The following ENO4 variants were observed in gnomAD, a reference collection of about 807,000 sequenced individuals.
ENO4 encodes the protein enolase 4, also known as 2-phospho-D-glycerate hydro-lyase.
Under a neutral mutation model 63.2 loss-of-function variants are expected in ENO4, and 53 were observed. That is an observed-to-expected ratio of 0.84 (90% CI 0.67 to 1.05). The LOEUF (loss-of-function observed/expected upper bound fraction) is 1.05, where lower values mean the gene tolerates loss of function less well. Among genes scored for constraint, ENO4 ranks in the 50% least tolerant of loss-of-function variants. The pLI, the probability that ENO4 is intolerant of heterozygous loss-of-function variation, is 0.00. For missense variants in ENO4, 719 were observed against 772.0 expected (o/e 0.93, Z 0.81); for synonymous variants, 266 against 283.8 (o/e 0.94, Z 0.63).
downstream of ENO4, chr10:116,886,363 G>C (rs552881857): frequency 4.5e-5 from 70 of 1,554,408 alleles, no homozygotes; most frequent in Non-Finnish European, 5.7e-5. Flanking sequence ...GGAGCTGTCT[G>C]TCTCTCTCAC....
At chr10:116,900,356 G>T in intron 10 of ENO4, 1 of 604,266 alleles carries the variant, frequency 1.7e-6, no homozygotes, top group Non-Finnish European at 2.9e-6. Context: ...TGCCTTTATG[G>T]CATCTAACAA....
chr10:116,849,929 A>T (rs1202504717), intron 1 of ENO4, 198 bp downstream of exon 1: 1 of 731,888 alleles, frequency 1.4e-6, no homozygotes, highest in African/African-American at 1.7e-5. Flanking sequence ...CTCCCCAGAG[A>T]AAGTGGCAGA....
At chr10:116,908,980 C>G (rs977155708) in intron 10 of ENO4, among the ~76,000 whole-genome samples, 1 of 152,156 alleles carries the variant, frequency 6.6e-6, no homozygotes, top group Non-Finnish European at 1.5e-5. Flanking sequence ...GCATGACTCT[C>G]AACTGAAATG....
At chr10:116,878,820 T>G (rs539424270) in intron 11 of ENO4, among the ~76,000 whole-genome samples, 1 of 145,798 alleles carries the variant, frequency 6.9e-6, no homozygotes, top group African/African-American at 2.5e-5. Context: ...CTCAGCTCAC[T>G]GCAAGCTCTG....
chr10:116,876,778 C>T (rs1170681063), intron 11 of ENO4, among the ~76,000 whole-genome samples: 1 of 151,946 alleles, frequency 6.6e-6, no homozygotes, highest in Non-Finnish European at 1.5e-5. Flanking sequence ...GTGAAACCCC[C>T]ATCTCTAGTA....
rs533834692 is a variant in ENO4, at chr10:116,894,639, C to T, written c.1194+14653C>T. ...TTGAAATGGAACAGGAGTTCCCTTT[C>T]GAAGGGCTTCTCCCTTTTGAAGTAA... On this transcript the variant is annotated intron_variant, in intron 10 of 10. Transcript: ENST00000369207. Among the ~76,000 whole-genome samples, 5 of 152,254 alleles carry T rather than the reference C, an allele frequency of 3.3e-5. No individual in the cohort carries two copies. The East Asian group carries it at 7.7e-4, about 24-fold the overall frequency.
rs530381076 is a variant in ENO4 at position 116,910,494 on chromosome 10, T to C, written c.1195-1005T>C. Among the ~76,000 whole-genome samples the C allele has an allele frequency of 7.2e-5, 11 of 152,332 alleles. No homozygotes were observed. The South Asian group carries it at 2.1e-3, about 29-fold the overall frequency. ...AGAGTAATGCTGTAATTCAGTAAACTTGCTACCATGCAGCATTCTCAGAGA... is the reference window on the plus strand; with the variant it reads ...AGAGTAATGCTGTAATTCAGTAAACCTGCTACCATGCAGCATTCTCAGAGA... On this transcript the variant is annotated intron_variant, in intron 10 of 10. Transcript: ENST00000369207.
chr10:116,910,638 C>T (rs1267006206), intron 10 of ENO4, among the ~76,000 whole-genome samples: 1 of 152,126 alleles, frequency 6.6e-6, no homozygotes, highest in Non-Finnish European at 1.5e-5. Context: ...TCACTGTTGG[C>T]CAGAACTGTG....
At chr10:116,876,549 C>T (rs1445646547) in intron 11 of ENO4, among the ~76,000 whole-genome samples, 1 of 152,254 alleles carries the variant, frequency 6.6e-6, no homozygotes, top group East Asian at 1.9e-4. Context: ...AGCCTTTCTG[C>T]CTGTAACAGG....
chr10:116,880,870 C>T (rs1031650681), intron 13 of ENO4, among the ~76,000 whole-genome samples: 1 of 152,154 alleles, frequency 6.6e-6, no homozygotes. Flanking sequence ...GACGTTACCA[C>T]GAGGGAAACA....
intron 8 of ENO4, among the ~76,000 whole-genome samples, chr10:116,870,189 CCCTTA>C (rs1282215778): frequency 5.3e-5 from 8 of 152,168 alleles, no homozygotes; most frequent in Non-Finnish European, 1.2e-4. Flanking sequence ...ACACACACAC[CCCTTA>C]CCTTAAGCCC....
At chr10:116,852,483 C>T (rs1269372778) in intron 1 of ENO4, among the ~76,000 whole-genome samples, 1 of 152,186 alleles carries the variant, frequency 6.6e-6, no homozygotes, top group African/African-American at 2.4e-5. Flanking sequence ...GATAGAGTTA[C>T]ACTGATGGTC....
Position 116,901,502 on chromosome 10 carries a change from C to A in ENO4, c.1195-9997C>A, listed in dbSNP as rs904781968. On this transcript the variant is annotated intron_variant, in intron 10 of 10. Coordinates refer to the ENO4 transcript ENST00000369207. ...GACGCAGAGTCTGTATCATCCAGATCAATTATTTGTGTAGAAGAACCTGAT... is the reference window on the plus strand; with the variant it reads ...GACGCAGAGTCTGTATCATCCAGATAAATTATTTGTGTAGAAGAACCTGAT... 3.5e-5 allele frequency: 34 copies of A among 985,030 alleles called. No individual in the cohort carries two copies. In the African/African-American group the frequency reaches 5.8e-4, roughly 17 times the overall value. 61.0% of individuals were successfully genotyped at this position (985,030 alleles called of 1,614,324 possible). A position where few individuals can be genotyped will look rare whatever the true frequency, so the allele number is the denominator to read the frequency against.
chr10:116,869,660 C>A (rs796348581), intron 8 of ENO4, among the ~76,000 whole-genome samples: 1 of 152,208 alleles, frequency 6.6e-6, no homozygotes, highest in African/African-American at 2.4e-5. Context: ...AGATGGTAAA[C>A]AAGCCACCAA....
chr10:116,867,494 CAGA>C (rs907362817), intron 7 of ENO4, among the ~76,000 whole-genome samples: 1 of 151,140 alleles, frequency 6.6e-6, no homozygotes, highest in East Asian at 2.0e-4. Context: ...AAGCCTGAGG[CAGA>C]AGGATTGTTT....
chr10:116,869,858 G>A (rs980957225), intron 8 of ENO4, among the ~76,000 whole-genome samples: 8 of 152,160 alleles, frequency 5.3e-5, no homozygotes, highest in Admixed American at 4.6e-4. Context: ...GTGCTAAATT[G>A]CCTGGATTAA....
chr10:116,867,497 A>C (rs1156479796), intron 7 of ENO4, among the ~76,000 whole-genome samples: 7 of 151,640 alleles, frequency 4.6e-5, no homozygotes, highest in Admixed American at 4.6e-4. Flanking sequence ...CCTGAGGCAG[A>C]AGGATTGTTT....
At chr10:116,858,884 G>A (rs1846338828) in intron 3 of ENO4, 106 bp from the exon 4 acceptor site, 3 of 562,834 alleles carry the variant, frequency 5.3e-6, no homozygotes, top group East Asian at 3.0e-5. Flanking sequence ...TAGCTGAAAA[G>A]CAGTTATTTA....
rs1284054587 is a variant in ENO4 at position 116,906,620 on chromosome 10, G to A, written c.1195-4879G>A. On this transcript the variant is annotated intron_variant, in intron 10 of 10. Transcript: ENST00000369207. ...AGAAGGACTGTGGAGAATTCAAACC[G>A]GCTTACTACTGCTATCTGCTTCTGC... 7 of 1,608,424 alleles carry A rather than the reference G, an allele frequency of 4.4e-6. No individual in the cohort carries two copies. In the South Asian group the frequency reaches 4.5e-5, roughly 10 times the overall value.
Sources: allele counts gnomAD v4.1 joint callset (sites outside exome capture counted in the v4.1 genomes callset), GRCh38; gene constraint gnomAD v4.1.1; transcripts MANE v1.5; gene names NCBI Gene and HGNC (gene_info 2026-07-23, HGNC 2026-07-21).